TRPM7: variants seen among roughly 807,000 people sequenced by gnomAD.
TRPM7 encodes transient receptor potential cation channel subfamily M member 7.
TRPM7 carries 134 observed loss-of-function variants against 229.7 expected under a neutral mutation model. The ratio of observed to expected loss-of-function variants is 0.58; its 90% CI spans 0.51 to 0.67. TRPM7 has a LOEUF of 0.67. Among genes scored for constraint, TRPM7 ranks in the 30% least tolerant of loss-of-function variants. TRPM7 has a pLI of 0.00. For synonymous variants in TRPM7, 699 were observed against 715.2 expected, an observed-to-expected ratio of 0.98 and a Z score of 0.36; for missense variants, 1,901 against 2,210.0, an observed-to-expected ratio of 0.86 and a Z score of 2.80.
At position 50,599,185 on chromosome 15, in the gene TRPM7, T is replaced by C; in HGVS notation, c.3100A>G (p.Lys1034Glu). ...PHEAPSWTLA[K>E]DIVFHPYWMI... is the part of the protein sequence containing the mutation. ...CAGTATGGGTGAAAAACTATATCTTTAGCAAGAGTCCAAGATGGTGCTTCA... is the reference window on the plus strand; with the variant it reads ...CAGTATGGGTGAAAAACTATATCTTCAGCAAGAGTCCAAGATGGTGCTTCA... Residue 1034 changes from lysine to glutamate, a missense_variant, in exon 22 of 39, where the codon AAA becomes GAA. By Grantham distance (56) the Lys-to-Glu change is moderately conservative. This residue lies in a region of TRPM7 where 89 missense variants were observed against 178.2 expected (regional missense o/e 0.50). Coordinates refer to ENST00000646667, the MANE Select transcript of TRPM7 (RefSeq NM_017672.6). 1 of 1,613,444 alleles carries C rather than the reference T, an allele frequency of 6.2e-7. No homozygotes were observed. The highest frequency in any genetic ancestry group is 8.5e-7 in the Non-Finnish European group (1 of 1,179,654).
intron 1 of TRPM7, among the ~76,000 whole-genome samples, chr15:50,679,488 A>T (rs199823317): frequency 1.9e-5 from 2 of 105,880 alleles, no homozygotes; most frequent in African/African-American, 3.9e-5. Context: ...ATATATATAT[A>T]TTATATATAT....
At chr15:50,648,973 T>C in intron 3 of TRPM7, 88 bp from the exon 4 acceptor site, 3 of 977,584 alleles carry the variant, frequency 3.1e-6, no homozygotes, top group Admixed American at 3.4e-5. Flanking sequence ...CCGACAAATA[T>C]AAGCTTTAAA....
intron 1 of TRPM7, among the ~76,000 whole-genome samples, chr15:50,684,959 G>T (rs536796357): frequency 2.0e-5 from 3 of 152,186 alleles, no homozygotes; most frequent in Non-Finnish European, 4.4e-5. Context: ...TTTTAGGCAT[G>T]ATAATAATAT....
chr15:50,684,227 A>G (rs979884113), intron 1 of TRPM7, among the ~76,000 whole-genome samples: 1 of 151,148 alleles, frequency 6.6e-6, no homozygotes, highest in African/African-American at 2.4e-5. Flanking sequence ...ATCTCCGCTT[A>G]CTGCAACCTC....
intron 1 of TRPM7, among the ~76,000 whole-genome samples, chr15:50,671,456 A>G (rs1215106955): frequency 1.3e-5 from 2 of 152,172 alleles, no homozygotes; most frequent in Non-Finnish European, 2.9e-5. Context: ...ACTGAGGTCA[A>G]TGATGGACCG....
intron 14 of TRPM7, 76 bp from the exon 15 acceptor site, chr15:50,613,917 A>G (rs1015624423): frequency 1.8e-5 from 28 of 1,526,066 alleles, no homozygotes; most frequent in South Asian, 1.8e-4. Flanking sequence ...ATCAATTTAT[A>G]TATGTGTGCA....
chr15:50,588,713 CTTG>C (rs1418317695), intron 27 of TRPM7, among the ~76,000 whole-genome samples: 2 of 152,264 alleles, frequency 1.3e-5, no homozygotes, highest in East Asian at 3.9e-4. Context: ...TTTTAATTAT[CTTG>C]TTGTAGCCAC....
chr15:50,683,969 C>G (rs974018509), intron 1 of TRPM7, among the ~76,000 whole-genome samples: 1 of 151,838 alleles, frequency 6.6e-6, no homozygotes, highest in Non-Finnish European at 1.5e-5. Flanking sequence ...AACGGAGTCT[C>G]CTGCCTCAGC....
chr15:50,610,456 T>C (rs1453698979), intron 17 of TRPM7, among the ~76,000 whole-genome samples: 1 of 152,112 alleles, frequency 6.6e-6, no homozygotes, highest in Non-Finnish European at 1.5e-5. Flanking sequence ...ATGAAGAAAT[T>C]GTAATTGTGT....
intron 29 of TRPM7, among the ~76,000 whole-genome samples, chr15:50,581,673 T>C (rs190386808): frequency 2.6e-5 from 4 of 152,232 alleles, no homozygotes; most frequent in African/African-American, 9.6e-5. Context: ...AGTTGTATAA[T>C]GTTCCTAGGT....
chr15:50,659,534 C>T (rs1186732720), intron 2 of TRPM7, among the ~76,000 whole-genome samples: 1 of 152,140 alleles, frequency 6.6e-6, no homozygotes, highest in Non-Finnish European at 1.5e-5. Context: ...AATTATGTCT[C>T]TCATGAATGG....
intron 5 of TRPM7, 122 bp from the exon 6 acceptor site, chr15:50,639,670 G>A (rs753427420): frequency 6.8e-5 from 53 of 777,680 alleles, no homozygotes; most frequent in Non-Finnish European, 9.3e-5. Context: ...GGACTCAAGC[G>A]ATCCTCCCTT....
chr15:50,565,371 G>A (rs2053553159), intron 38 of TRPM7, among the ~76,000 whole-genome samples: 1 of 151,994 alleles, frequency 6.6e-6, no homozygotes, highest in South Asian at 2.1e-4. Context: ...ATATATAGAT[G>A]TGTGTGTGTA....
intron 3 of TRPM7, among the ~76,000 whole-genome samples, chr15:50,650,721 T>C (rs557327895): frequency 6.7e-6 from 1 of 150,230 alleles, no homozygotes; most frequent in African/African-American, 2.4e-5. Flanking sequence ...AACAAAAAAA[T>C]CAGACCTAGA....
intron 31 of TRPM7, among the ~76,000 whole-genome samples, chr15:50,577,778 A>G (rs2054206790): frequency 6.6e-6 from 1 of 152,246 alleles, no homozygotes; most frequent in South Asian, 2.1e-4. Context: ...TGTAGCAGCA[A>G]GTCATAATAG....
intron 10 of TRPM7, 126 bp from the exon 11 acceptor site, chr15:50,628,375 A>G (rs2060629675): frequency 1.6e-6 from 1 of 618,574 alleles, no homozygotes; most frequent in Non-Finnish European, 2.8e-6. Flanking sequence ...AAAGGTGATC[A>G]TGGCTCACTG....
intron 7 of TRPM7, 44 bp from the exon 8 acceptor site, chr15:50,634,600 C>A: frequency 7.6e-7 from 1 of 1,310,278 alleles, no homozygotes; most frequent in Admixed American, 3.4e-5. Flanking sequence ...TCATCCCAAG[C>A]AAGTTTCTCT....
chr15:50,647,531 G>A (rs1333199697), intron 4 of TRPM7, among the ~76,000 whole-genome samples: 1 of 152,132 alleles, frequency 6.6e-6, no homozygotes, highest in East Asian at 1.9e-4. Context: ...AGATCATGAG[G>A]TCAGGAGATG....
At chr15:50,632,499 CTTTAA>C (rs915041277) in intron 9 of TRPM7, among the ~76,000 whole-genome samples, 8 of 152,116 alleles carry the variant, frequency 5.3e-5, no homozygotes, top group Non-Finnish European at 1.0e-4. Context: ...CAGCACTGAT[CTTTAA>C]TTTAATAGGC....
Sources: allele counts gnomAD v4.1 joint callset (sites outside exome capture counted in the v4.1 genomes callset), GRCh38; gene constraint gnomAD v4.1.1; regional missense constraint gnomAD v4.1.1; transcripts MANE v1.5; gene names NCBI Gene and HGNC (gene_info 2026-07-23, HGNC 2026-07-21).